Variants in PSMA1 observed in about 807,000 individuals in gnomAD.
The protein encoded by PSMA1 is proteasome subunit alpha type-1.
Under a neutral mutation model 38.4 loss-of-function variants are expected in PSMA1, and 3 were observed. That is an observed-to-expected ratio of 0.08 (90% CI 0.04 to 0.20). PSMA1 has a LOEUF of 0.20. Ranked by LOEUF, PSMA1 falls within the 10% of genes least tolerant of loss-of-function variation. The pLI, the probability that PSMA1 is intolerant of heterozygous loss-of-function variation, is 1.00. For missense variants in PSMA1, 227 were observed against 325.3 expected (o/e 0.70, Z 2.32); for synonymous variants, 101 against 107.1 (o/e 0.94, Z 0.35).
chr11:14,567,939 G>A (rs1372061058), intron 2 of PSMA1, among the ~76,000 whole-genome samples: 1 of 152,118 alleles, frequency 6.6e-6, no homozygotes, highest in Admixed American at 6.5e-5. Context: ...AGCCCTGTAG[G>A]CTGTGAGTTC....
intron 1 of PSMA1, among the ~76,000 whole-genome samples, chr11:14,635,958 G>C (rs763679391): frequency 1.3e-5 from 2 of 152,158 alleles, no homozygotes; most frequent in African/African-American, 4.8e-5. Context: ...AGGGAAGACT[G>C]TAGGTAGTAT....
At chr11:14,587,576 A>G (rs998574683) in intron 2 of PSMA1, among the ~76,000 whole-genome samples, 1 of 151,864 alleles carries the variant, frequency 6.6e-6, no homozygotes, top group African/African-American at 2.4e-5. Context: ...CCTTCCTCTG[A>G]AAGACCTGTT....
At chr11:14,558,484 G>C (rs1321234925) in intron 2 of PSMA1, among the ~76,000 whole-genome samples, 3 of 152,144 alleles carry the variant, frequency 2.0e-5, no homozygotes, top group African/African-American at 7.2e-5. Context: ...ACATTTCCCT[G>C]TTTGAAAAGA....
intron 1 of PSMA1, among the ~76,000 whole-genome samples, chr11:14,620,067 C>CGT (rs141933385): frequency 0.014 from 2,138 of 149,646 alleles, 35 homozygotes; most frequent in African/African-American, 0.044. Flanking sequence ...TGTGTGTGTG[C>CGT]GTGTGTGTGT....
rs374243163 is a variant in PSMA1 at position 14,638,506 on chromosome 11, CCTCT to C, written c.-166+4945_-166+4948del. ...TAAGTTGGCTTAGTGGAGAAACACA[CCTCT>C]CTCTCTCTCTCTCTCTCTCTCTCTC... On this transcript the variant is annotated intron_variant, in intron 1 of 10. Transcript: ENST00000418988. Among the ~76,000 whole-genome samples, 231 of 31,870 alleles carry C rather than the reference CCTCT, an allele frequency of 7.2e-3. 8 individuals are homozygous for C. Among genetic ancestry groups the C allele is most frequent in the East Asian group, 0.058 (76 of 1,302 alleles). The allele number at this position is 31,870 out of a possible 152,430, so 20.9% of individuals were successfully genotyped here.
intron 4 of PSMA1, among the ~76,000 whole-genome samples, chr11:14,514,974 A>G (rs1336509829): frequency 6.6e-6 from 1 of 152,240 alleles, no homozygotes; most frequent in Non-Finnish European, 1.5e-5. Flanking sequence ...TCTATTCATA[A>G]GAAGCACTCT....
chr11:14,587,383 C>T (rs978003986), intron 2 of PSMA1, among the ~76,000 whole-genome samples: 2 of 152,242 alleles, frequency 1.3e-5, no homozygotes, highest in East Asian at 1.9e-4. Flanking sequence ...GTGGTTTTTG[C>T]TCCTTCTGTC....
At chr11:14,606,420 GAAAAAGAA>G (rs1239983759) in intron 2 of PSMA1, among the ~76,000 whole-genome samples, 1 of 141,330 alleles carries the variant, frequency 7.1e-6, no homozygotes. Flanking sequence ...CTGTCTGAAT[GAAAAAGAA>G]AAAAAGAAAA....
At chr11:14,519,156 T>C (rs1425380038) in intron 1 of PSMA1, 115 bp from the exon 2 acceptor site, 10 of 863,800 alleles carry the variant, frequency 1.2e-5, no homozygotes, top group Non-Finnish European at 1.9e-5. Flanking sequence ...ACTCTGTTCA[T>C]GCAGTCTTAC....
At chr11:14,619,186 C>A (rs1445405805) in intron 1 of PSMA1, among the ~76,000 whole-genome samples, 1 of 152,154 alleles carries the variant, frequency 6.6e-6, no homozygotes, top group East Asian at 1.9e-4. Flanking sequence ...TGGCAGCTCA[C>A]GCCTGTGATC....
chr11:14,627,889 T>C (rs1489992587), intron 1 of PSMA1, among the ~76,000 whole-genome samples: 3 of 152,224 alleles, frequency 2.0e-5, no homozygotes, highest in Non-Finnish European at 4.4e-5. Context: ...ATCTACTTTA[T>C]GTCACCCATC....
intron 1 of PSMA1, among the ~76,000 whole-genome samples, chr11:14,612,954 T>A (rs978569219): frequency 1.3e-5 from 2 of 152,066 alleles, no homozygotes; most frequent in African/African-American, 4.8e-5. Context: ...GCAGTGTCAA[T>A]GGTGCCCATT....
chr11:14,592,964 T>A (rs1321213162), intron 2 of PSMA1, among the ~76,000 whole-genome samples: 1 of 152,212 alleles, frequency 6.6e-6, no homozygotes, highest in Non-Finnish European at 1.5e-5. Flanking sequence ...TATCTGAAAT[T>A]ATTCTATTTA....
intron 2 of PSMA1, among the ~76,000 whole-genome samples, chr11:14,587,176 G>C (rs574129242): frequency 9.0e-4 from 137 of 152,158 alleles, no homozygotes; most frequent in African/African-American, 3.2e-3. Flanking sequence ...CTTCTCTGTT[G>C]CTGCCTCTCA....
intron 1 of PSMA1, among the ~76,000 whole-genome samples, chr11:14,630,025 A>T (rs1468007435): frequency 6.6e-6 from 1 of 151,704 alleles, no homozygotes; most frequent in Non-Finnish European, 1.5e-5. Flanking sequence ...GTATCCTGAG[A>T]CTTTGCTGAA....
chr11:14,519,276 T>C (rs1851485804), intron 1 of PSMA1: 5 of 575,400 alleles, frequency 8.7e-6, no homozygotes, highest in Non-Finnish European at 1.6e-5. Context: ...ACTCTTATTC[T>C]AACACCCTCC....
intron 2 of PSMA1, among the ~76,000 whole-genome samples, chr11:14,574,341 C>G (rs1852186710): frequency 1.3e-5 from 2 of 152,198 alleles, no homozygotes; most frequent in South Asian, 2.1e-4. Flanking sequence ...CACTCCAGCT[C>G]CAGATGTGGC....
chr11:14,555,322 G>T (rs1851931268), intron 2 of PSMA1, among the ~76,000 whole-genome samples: 1 of 152,152 alleles, frequency 6.6e-6, no homozygotes, highest in South Asian at 2.1e-4. Flanking sequence ...ACTGGATGAT[G>T]TGCATTACTT....
At chr11:14,584,774 G>C (rs1009063536) in intron 2 of PSMA1, among the ~76,000 whole-genome samples, 2 of 152,158 alleles carry the variant, frequency 1.3e-5, no homozygotes, top group African/African-American at 4.8e-5. Flanking sequence ...CAGCTGTTCT[G>C]TGACTGACCT....
Sources: allele counts gnomAD v4.1 joint callset (sites outside exome capture counted in the v4.1 genomes callset), GRCh38; gene constraint gnomAD v4.1.1; transcripts MANE v1.5; gene names NCBI Gene and HGNC (gene_info 2026-07-23, HGNC 2026-07-21).